Variants in TNFRSF10C observed in about 807,000 individuals in gnomAD.
The protein encoded by TNFRSF10C is TNF receptor superfamily member 10c.
In TNFRSF10C, 17 loss-of-function variants were observed where a neutral mutation model predicts 16.7. That is an observed-to-expected ratio of 1.02 (90% CI 0.70 to 1.53). The LOEUF is 1.53. TNFRSF10C is among the 40% of genes most tolerant of loss of function. The pLI is 0.00. For synonymous variants in TNFRSF10C, 73 were observed against 119.7 expected (o/e 0.61, Z 2.55); for missense variants, 237 against 329.7 (o/e 0.72, Z 2.18).
At chr8:23,110,077 A>AAAAAAAAAAG (rs1412441501) in intron 1 of TNFRSF10C, among the ~76,000 whole-genome samples, 3 of 149,546 alleles carry the variant, frequency 2.0e-5, no homozygotes, top group Non-Finnish European at 3.0e-5. Flanking sequence ...TCCAAAAAAA[A>AAAAAAAAAAG]AAAAAAAAAA....
chr8:23,110,069 CAAAA>C (rs56263402), intron 1 of TNFRSF10C, among the ~76,000 whole-genome samples: 18 of 39,650 alleles, frequency 4.5e-4, no homozygotes, highest in African/African-American at 1.8e-3. Flanking sequence ...ACCCTGTCTC[CAAAA>C]AAAAAAAAAA....
intron 4 of TNFRSF10C, among the ~76,000 whole-genome samples, chr8:23,116,250 G>A (rs980120088): frequency 2.0e-5 from 3 of 152,236 alleles, no homozygotes; most frequent in Non-Finnish European, 2.9e-5. Context: ...TGATAGGGAG[G>A]AACCAGCAGA....
At chr8:23,113,816 G>A (rs960887132) in intron 2 of TNFRSF10C, among the ~76,000 whole-genome samples, 6 of 152,036 alleles carry the variant, frequency 3.9e-5, no homozygotes, top group East Asian at 1.9e-4. Context: ...AAATCTGGGC[G>A]TGGTGGTGCG....
At chr8:23,112,863 T>C (rs563339509) in intron 2 of TNFRSF10C, among the ~76,000 whole-genome samples, 5 of 152,344 alleles carry the variant, frequency 3.3e-5, no homozygotes, top group African/African-American at 1.2e-4. Flanking sequence ...CATATAGTTG[T>C]TCTATTTTTT....
rs1178773526 is a variant in TNFRSF10C, at chr8:23,103,100, G to A, written c.-22G>A. 5.0e-6 allele frequency: 8 copies of A among 1,607,624 alleles called. No individual in the cohort carries two copies. The highest frequency in any genetic ancestry group is 6.8e-6 in the Non-Finnish European group (8 of 1,177,518). ...GAGGCAGGGTGCGACCCAGGACCCA[G>A]GACGGCGTCGGGAACCATACCATGG... On this transcript the variant is annotated 5_prime_UTR_variant, in exon 1 of 5. Coordinates refer to ENST00000356864, the MANE Select transcript of TNFRSF10C (RefSeq NM_003841.5).
chr8:23,107,194 A>T (rs1563342591), intron 1 of TNFRSF10C, among the ~76,000 whole-genome samples: 1 of 152,172 alleles, frequency 6.6e-6, no homozygotes, highest in East Asian at 1.9e-4. Flanking sequence ...ACAACAAAAA[A>T]CCAAACAAAC....
intron 4 of TNFRSF10C, 106 bp downstream of exon 4, chr8:23,115,722 T>C (rs1276120725): frequency 1.2e-5 from 10 of 855,530 alleles, no homozygotes; most frequent in Non-Finnish European, 1.8e-5. Flanking sequence ...TCCAGACCCA[T>C]GGGGTGTCCC....
intron 3 of TNFRSF10C, among the ~76,000 whole-genome samples, 158 bp from the exon 4 acceptor site, chr8:23,115,350 G>A (rs111238248): frequency 1.2e-4 from 18 of 152,116 alleles, no homozygotes; most frequent in Non-Finnish European, 1.5e-4. Flanking sequence ...GCTGAAGGGT[G>A]GGTGTCCTGT....
rs1256974553 is a variant in TNFRSF10C at position 23,103,057 on chromosome 8, C to A, written c.-65C>A. 1 of 1,580,676 alleles carries A rather than the reference C, an allele frequency of 6.3e-7. No individual in the cohort carries two copies. Among genetic ancestry groups the A allele is most frequent in the African/African-American group, 1.3e-5 (1 of 74,392 alleles). On this transcript the variant is annotated 5_prime_UTR_variant, in exon 1 of 5. Transcript: ENST00000356864. ...TTAGGGAACTCTGGGGACAGAGCGC[C>A]CCGGCCGCCTGATGGCCGAGGCAGG...
At chr8:23,114,007 G>T (rs945737733) in intron 2 of TNFRSF10C, among the ~76,000 whole-genome samples, 6 of 151,958 alleles carry the variant, frequency 3.9e-5, no homozygotes, top group African/African-American at 1.5e-4. Context: ...ATGTCCTGAT[G>T]GGAACCATGA....
chr8:23,103,582 A>T, intron 1 of TNFRSF10C: 1 of 212,820 alleles, frequency 4.7e-6, no homozygotes, highest in Non-Finnish European at 9.6e-6. Flanking sequence ...GATCGGTTTA[A>T]CCAACAGCCA....
At chr8:23,105,587 G>C (rs1032393490) in intron 1 of TNFRSF10C, among the ~76,000 whole-genome samples, 4 of 152,196 alleles carry the variant, frequency 2.6e-5, no homozygotes, top group Admixed American at 1.3e-4. Context: ...GCCTGGCCCG[G>C]GTTGTAGTTT....
chr8:23,108,461 C>T (rs903235561), intron 1 of TNFRSF10C, among the ~76,000 whole-genome samples: 4 of 152,192 alleles, frequency 2.6e-5, no homozygotes, highest in Non-Finnish European at 5.9e-5. Context: ...TGATGGTCGC[C>T]CAACACTGCT....
intron 1 of TNFRSF10C, among the ~76,000 whole-genome samples, chr8:23,106,212 A>G (rs1235004314): frequency 6.6e-6 from 1 of 150,802 alleles, no homozygotes; most frequent in African/African-American, 2.5e-5. Flanking sequence ...GAGGTGACCC[A>G]GGGATTATAT....
intron 1 of TNFRSF10C, among the ~76,000 whole-genome samples, chr8:23,104,513 G>A (rs1268290272): frequency 6.6e-6 from 1 of 152,188 alleles, no homozygotes; most frequent in African/African-American, 2.4e-5. Context: ...TGTATCGTGT[G>A]TCCACATATC....
intron 2 of TNFRSF10C, among the ~76,000 whole-genome samples, chr8:23,112,537 T>G (rs757335108): frequency 6.6e-6 from 1 of 152,372 alleles, no homozygotes; most frequent in East Asian, 1.9e-4. Context: ...GACCAACTTT[T>G]TCTGATTCCA....
chr8:23,103,404 C>G, intron 1 of TNFRSF10C: 6 of 750,252 alleles, frequency 8.0e-6, no homozygotes, highest in Non-Finnish European at 1.1e-5. Flanking sequence ...CCTGGCTGCC[C>G]CGAGCCCGCG....
At chr8:23,114,851 A>T in intron 3 of TNFRSF10C, 81 bp downstream of exon 3, 1 of 1,207,084 alleles carries the variant, frequency 8.3e-7, no homozygotes, top group Non-Finnish European at 1.2e-6. Flanking sequence ...GAGTCAGGGA[A>T]CCAAGTTCCA....
rs117020629 is a variant in TNFRSF10C at position 23,117,231 on chromosome 8, C to G, written c.*200C>G. The G allele has an allele frequency of 0.022, 17,254 of 780,264 alleles. 273 individuals are homozygous for G. The highest frequency in any genetic ancestry group is 0.054 in the South Asian group (2,942 of 54,718). The allele number at this position is 780,264 out of a possible 1,614,324, so 48.3% of individuals were successfully genotyped here. ...CCTTGTGATCGTCCCATCCCCACAT[C>G]CCGTGCACCCCCCAGGACCCTGGTC... is the stretch of plus-strand genomic sequence containing the variant. On this transcript the variant is annotated 3_prime_UTR_variant, in exon 5 of 5. Coordinates refer to ENST00000356864, the MANE Select transcript of TNFRSF10C (RefSeq NM_003841.5).
Sources: allele counts gnomAD v4.1 joint callset (sites outside exome capture counted in the v4.1 genomes callset), GRCh38; gene constraint gnomAD v4.1.1; transcripts MANE v1.5; gene names NCBI Gene and HGNC (gene_info 2026-07-23, HGNC 2026-07-21).